The following DNER variants were observed in gnomAD, a reference collection of about 807,000 sequenced individuals.
DNER encodes the protein delta/notch like EGF repeat containing, also known as delta and Notch-like epidermal growth factor-related receptor.
DNER carries 33 observed loss-of-function variants against 78.2 expected under a neutral mutation model. That is an observed-to-expected ratio of 0.42 (90% confidence interval 0.32 to 0.56). DNER has a LOEUF of 0.56. Among genes scored for constraint, DNER ranks in the 20% least tolerant of loss-of-function variants. DNER has a pLI of 0.11. For missense variants in DNER, 918 were observed against 975.3 expected, an observed-to-expected ratio of 0.94 and a Z score of 0.78; for synonymous variants, 417 against 384.8, an observed-to-expected ratio of 1.08 and a Z score of -0.98.
chr2:229,630,602 G>A (rs1698418370), intron 1 of DNER, among the ~76,000 whole-genome samples: 1 of 151,886 alleles, frequency 6.6e-6, no homozygotes, highest in Non-Finnish European at 1.5e-5. Flanking sequence ...TATTTGGACA[G>A]AGGCTTTTTA....
At chr2:229,549,003 T>C (rs1197608405) in intron 4 of DNER, among the ~76,000 whole-genome samples, 2 of 152,150 alleles carry the variant, frequency 1.3e-5, no homozygotes, top group Non-Finnish European at 2.9e-5. Context: ...TGCCAGAATA[T>C]ATGGAGAATT....
intron 4 of DNER, among the ~76,000 whole-genome samples, chr2:229,552,293 A>G (rs992767595): frequency 6.6e-6 from 1 of 152,244 alleles, no homozygotes; most frequent in South Asian, 2.1e-4. Flanking sequence ...GGATGGAATT[A>G]ACCTACAGGC....
intron 1 of DNER, among the ~76,000 whole-genome samples, chr2:229,709,944 G>C (rs1031910366): frequency 6.6e-6 from 1 of 152,154 alleles, no homozygotes; most frequent in African/African-American, 2.4e-5. Context: ...CCCAGCCACT[G>C]CCACCTCTGA....
intron 4 of DNER, among the ~76,000 whole-genome samples, chr2:229,566,853 A>G (rs1347107377): frequency 6.6e-6 from 1 of 152,074 alleles, no homozygotes; most frequent in Non-Finnish European, 1.5e-5. Flanking sequence ...CTGCAAAATT[A>G]AGATGCATAT....
chr2:229,423,091 G>T (rs1574836756), intron 8 of DNER, among the ~76,000 whole-genome samples: 1 of 152,234 alleles, frequency 6.6e-6, no homozygotes, highest in Admixed American at 6.5e-5. Flanking sequence ...AGGGGTGGGA[G>T]TGATCCTTAT....
At chr2:229,685,623 G>A (rs1380952403) in intron 1 of DNER, among the ~76,000 whole-genome samples, 2 of 152,130 alleles carry the variant, frequency 1.3e-5, no homozygotes, top group Non-Finnish European at 2.9e-5. Context: ...CAAATGGCAT[G>A]CATCCTACAA....
chr2:229,411,846 T>C (rs893325705), intron 9 of DNER, among the ~76,000 whole-genome samples: 1 of 152,068 alleles, frequency 6.6e-6, no homozygotes, highest in Non-Finnish European at 1.5e-5. Flanking sequence ...AATATAAAAT[T>C]GTAGGTATAC....
intron 8 of DNER, among the ~76,000 whole-genome samples, chr2:229,440,335 C>T (rs1379730273): frequency 1.3e-5 from 2 of 152,180 alleles, no homozygotes; most frequent in African/African-American, 4.8e-5. Context: ...AGCGTCTGGA[C>T]GTCTAGTGGA....
At chr2:229,665,876 C>A (rs1699084813) in intron 1 of DNER, among the ~76,000 whole-genome samples, 1 of 152,176 alleles carries the variant, frequency 6.6e-6, no homozygotes, top group Non-Finnish European at 1.5e-5. Context: ...GGCATGCCTG[C>A]ATCTCTGCAA....
At chr2:229,518,549 A>C (rs1453669207) in intron 5 of DNER, among the ~76,000 whole-genome samples, 1 of 152,264 alleles carries the variant, frequency 6.6e-6, no homozygotes, top group African/African-American at 2.4e-5. Context: ...CTAGTTGGGA[A>C]GACCAATGTC....
chr2:229,413,315 CTT>C (rs1559344989), intron 9 of DNER, among the ~76,000 whole-genome samples: 1 of 19,586 alleles, frequency 5.1e-5, no homozygotes, highest in East Asian at 5.7e-3. Context: ...TTTTCTTTTT[CTT>C]CTTCTTTTTT....
At chr2:229,706,433 C>T (rs1046862066) in intron 1 of DNER, among the ~76,000 whole-genome samples, 22 of 151,222 alleles carry the variant, frequency 1.5e-4, no homozygotes, top group Middle Eastern at 7.0e-3. Context: ...TGTGGTGGCA[C>T]ACACCTATAA....
chr2:229,510,619 T>C (rs1029064786), intron 6 of DNER, among the ~76,000 whole-genome samples: 3 of 152,134 alleles, frequency 2.0e-5, no homozygotes, highest in Non-Finnish European at 4.4e-5. Context: ...CTTGTAGAGA[T>C]GTCTGGCTTC....
At chr2:229,524,157 G>A (rs1419540923) in intron 5 of DNER, among the ~76,000 whole-genome samples, 2 of 152,216 alleles carry the variant, frequency 1.3e-5, no homozygotes, top group Non-Finnish European at 2.9e-5. Flanking sequence ...CTGATGGCAG[G>A]ACCTGCTCTT....
At chr2:229,503,709 G>T (rs1217826878) in intron 6 of DNER, among the ~76,000 whole-genome samples, 4 of 152,106 alleles carry the variant, frequency 2.6e-5, no homozygotes, top group Admixed American at 2.6e-4. Context: ...TAATGTGGGG[G>T]TATCTTTTGA....
intron 11 of DNER, among the ~76,000 whole-genome samples, chr2:229,369,910 C>CTG (rs1692443060): frequency 6.6e-6 from 1 of 152,098 alleles, no homozygotes; most frequent in Non-Finnish European, 1.5e-5. Context: ...CCACCACCAC[C>CTG]ACCATTCCAC....
At chr2:229,383,061 C>G (rs6706971) in intron 11 of DNER, among the ~76,000 whole-genome samples, 2 of 152,168 alleles carry the variant, frequency 1.3e-5, no homozygotes, top group Admixed American at 1.3e-4. Flanking sequence ...AACGGCAGAT[C>G]TCTCTGCAGA....
At chr2:229,637,600 T>C (rs773891738) in intron 1 of DNER, among the ~76,000 whole-genome samples, 1 of 152,244 alleles carries the variant, frequency 6.6e-6, no homozygotes, top group Admixed American at 6.5e-5. Context: ...GGAAATTCTA[T>C]GTAATGGTGC....
chr2:229,375,866 T>C (rs963883632), intron 11 of DNER, among the ~76,000 whole-genome samples: 2 of 152,144 alleles, frequency 1.3e-5, no homozygotes, highest in African/African-American at 4.8e-5. Context: ...GTAATCCCCA[T>C]AATCCTCATA....
Sources: gnomAD v4.1 joint callset for allele counts (sites outside exome capture counted in the v4.1 genomes callset) on GRCh38, gnomAD v4.1.1 for gene constraint, MANE v1.5 for transcripts, NCBI Gene and HGNC (gene_info 2026-07-23, HGNC 2026-07-21) for gene names.